Variants in NIPA1 observed in about 807,000 individuals in gnomAD.
NIPA1 encodes magnesium transporter NIPA1.
NIPA1 carries 13 observed loss-of-function variants against 23.9 expected under a neutral mutation model. The observed-to-expected ratio is 0.54, with a 90% CI of 0.35 to 0.87. The LOEUF (loss-of-function observed/expected upper bound fraction) is 0.87, where lower values mean the gene tolerates loss of function less well. Among genes scored for constraint, NIPA1 ranks in the 40% least tolerant of loss-of-function variants. The probability of loss-of-function intolerance (pLI) is 0.01; values close to 1 mark genes in which losing one functional copy is unlikely to be tolerated. For missense variants in NIPA1, 362 were observed against 429.7 expected, an observed-to-expected ratio of 0.84 and a Z score of 1.39; for synonymous variants, 234 against 202.9, an observed-to-expected ratio of 1.15 and a Z score of -1.30.
At chr15:22,794,541 C>T (rs79106218) in intron 1 of NIPA1, among the ~76,000 whole-genome samples, 6,114 of 152,046 alleles carry the variant, frequency 0.04, 422 homozygotes, top group African/African-American at 0.14. Context: ...ACATGCTTTT[C>T]GGATTTTGTA....
At chr15:22,791,896 T>A (rs1458417708) in intron 1 of NIPA1, among the ~76,000 whole-genome samples, 1 of 150,866 alleles carries the variant, frequency 6.6e-6, no homozygotes, top group Admixed American at 6.6e-5. Flanking sequence ...TGCTTTTGGA[T>A]GACATAGTCC....
At chr15:22,791,392 T>C (rs1894822304) in intron 1 of NIPA1, among the ~76,000 whole-genome samples, 1 of 151,908 alleles carries the variant, frequency 6.6e-6, no homozygotes, top group African/African-American at 2.4e-5. Context: ...GATTTGAGAT[T>C]CTAGATAGTC....
intron 3 of NIPA1, among the ~76,000 whole-genome samples, chr15:22,817,521 G>A (rs1357557216): frequency 2.9e-5 from 4 of 135,758 alleles, no homozygotes; most frequent in East Asian, 4.3e-4. Context: ...AAAAAATTAC[G>A]GCTGGGCACA....
chr15:22,795,711 C>T (rs1016045425), intron 1 of NIPA1, among the ~76,000 whole-genome samples: 12 of 152,090 alleles, frequency 7.9e-5, no homozygotes, highest in East Asian at 1.9e-4. Flanking sequence ...TTGGCTTGCT[C>T]GGGCTGCTCA....
At chr15:22,811,496 T>C (rs1442518147) in intron 2 of NIPA1, among the ~76,000 whole-genome samples, 2 of 151,956 alleles carry the variant, frequency 1.3e-5, no homozygotes, top group Non-Finnish European at 2.9e-5. Context: ...TCAAAGCTAT[T>C]TGGAGGCTGA....
Position 22,808,679 on chromosome 15 carries a change from C to CTTTTTTTTTTTTTTTTTT in NIPA1, c.179-2062_179-2061insTTTTTTTTTTTTTTTTTT, listed in dbSNP as rs59983551. 7.8e-5 allele frequency among the ~76,000 whole-genome samples: 10 copies of CTTTTTTTTTTTTTTTTTT among 128,336 alleles called. 1 individual carries two copies. Among genetic ancestry groups the CTTTTTTTTTTTTTTTTTT allele is most frequent in the Admixed American group, 1.7e-4 (2 of 11,642 alleles). The allele number at this position is 128,336 out of a possible 152,430, so 84.2% of individuals were successfully genotyped here. On this transcript the variant is annotated intron_variant, in intron 1 of 4. Coordinates refer to ENST00000337435, the MANE Select transcript of NIPA1 (RefSeq NM_144599.5). ...TGTGATGTGATCAAATAGCAATATT[C>CTTTTTTTTTTTTTTTTTT]TTTTTTTTGAGACAGTGTCTCACTC...
rs1224735095 is a variant in NIPA1 at position 22,827,929 on chromosome 15, G to A, written c.*3690G>A. 1 of 152,226 alleles carries A rather than the reference G, an allele frequency of 6.6e-6. No individual in the cohort carries two copies. The highest frequency in any genetic ancestry group is 1.9e-4 in the East Asian group (1 of 5,196). The allele number at this position is 152,226 out of a possible 1,614,324, so 9.4% of individuals were successfully genotyped here. A position where few individuals can be genotyped will look rare whatever the true frequency, so the allele number is the denominator to read the frequency against. On this transcript the variant is annotated 3_prime_UTR_variant, in exon 5 of 5. Coordinates refer to ENST00000337435, the MANE Select transcript of NIPA1 (RefSeq NM_144599.5). The stretch of plus-strand genomic sequence containing the variant: ...CAAGCTGCTCAGCTAACCCAGAAGA[G>A]GGGAGAGAGTACTCCGGTGGTTCCC...
chr15:22,791,059 T>C (rs1894814525), intron 1 of NIPA1, among the ~76,000 whole-genome samples: 1 of 152,186 alleles, frequency 6.6e-6, no homozygotes, highest in South Asian at 2.1e-4. Flanking sequence ...AAGTCTGGGC[T>C]TTTAATGTAA....
chr15:22,792,580 G>A lies in NIPA1; in HGVS notation c.178+5746G>A, dbSNP rs536268348. 4.6e-5 allele frequency among the ~76,000 whole-genome samples: 7 copies of A among 152,104 alleles called. No homozygotes were observed. The Middle Eastern group carries it at 0.017, about 370-fold the overall frequency. On this transcript the variant is annotated intron_variant, in intron 1 of 4. Coordinates refer to ENST00000337435, the MANE Select transcript of NIPA1 (RefSeq NM_144599.5). ...TCACCATGTTAGCCAGAATGGTCTC[G>A]ATCTCCTGACCTCGTGATCTGCCTT...
At chr15:22,819,325 G>A (rs2140874246) in intron 3 of NIPA1, 1 of 152,220 alleles carries the variant, frequency 6.6e-6, no homozygotes, top group East Asian at 1.9e-4. Context: ...CCTGAGCCTG[G>A]TATGCCCTCC....
chr15:22,810,697 T>C (rs753366656), intron 1 of NIPA1, 52 bp from the exon 2 acceptor site: 19 of 1,060,632 alleles, frequency 1.8e-5, no homozygotes, highest in Middle Eastern at 4.0e-4. Flanking sequence ...CTTCCTGATA[T>C]ACGTAGCTGG....
At chr15:22,807,781 C>CG (rs1370199187) in intron 1 of NIPA1, among the ~76,000 whole-genome samples, 89 of 88,432 alleles carry the variant, frequency 1.0e-3, no homozygotes, top group African/African-American at 7.4e-3. Flanking sequence ...TTTAAATTCA[C>CG]TTGTGTGTGT....
intron 1 of NIPA1, among the ~76,000 whole-genome samples, chr15:22,788,264 G>C (rs949349438): frequency 2.6e-5 from 4 of 152,020 alleles, no homozygotes; most frequent in African/African-American, 9.7e-5. Context: ...CACTTTGGGA[G>C]GCCGAGGCGG....
intron 3 of NIPA1, among the ~76,000 whole-genome samples, chr15:22,812,940 C>G (rs958575128): frequency 6.6e-6 from 1 of 152,104 alleles, no homozygotes; most frequent in African/African-American, 2.4e-5. Context: ...GCTTAGCATT[C>G]CTTGCTGGAT....
intron 3 of NIPA1, chr15:22,819,155 G>A (rs1895482614): frequency 6.6e-6 from 1 of 152,190 alleles, no homozygotes; most frequent in South Asian, 2.1e-4. Context: ...GATGTGAAGT[G>A]GTACAAGGGA....
intron 1 of NIPA1, among the ~76,000 whole-genome samples, chr15:22,791,996 A>G (rs62001111): frequency 0.25 from 38,284 of 152,074 alleles, 6,121 homozygotes; most frequent in Non-Finnish European, 0.36. Flanking sequence ...AGCGTGCTCT[A>G]CAGCATAGGC....
chr15:22,824,002 G>C lies in NIPA1; in HGVS notation c.753G>C (p.Ala251=), dbSNP rs199718530. The change falls in exon 5 of 5, where the codon GCG becomes GCC. Residue 251 remains alanine (A), a synonymous_variant. Transcript: ENST00000337435. This position sits in a 1 kb window ranked among gnomAD's most constrained non-coding sequence, Gnocchi z 4.1. ...TCCAGTTCAGGTACATCAACAAGGC[G>C]CTGGAGTGCTTCGACTCCTCGGTGT... ...IIVQFRYINK[A]LECFDSSVFG... The C allele has an allele frequency of 3.1e-5, 50 of 1,614,124 alleles. 1 individual carries two copies. In the African/African-American group the frequency reaches 4.1e-4, roughly 13 times the overall value.
In NIPA1 at chr15:22,808,824, C is replaced by G. The variant is rs973109367; in HGVS notation, c.179-1925C>G. 2.8e-4 allele frequency among the ~76,000 whole-genome samples: 43 copies of G among 151,962 alleles called. 1 individual carries two copies. The highest frequency in any genetic ancestry group is 2.1e-4 in the Non-Finnish European group (14 of 67,958). On this transcript the variant is annotated intron_variant, in intron 1 of 4. Transcript: ENST00000337435. Reference sequence around the variant, plus strand: ...AGCTGGGACCACAGGCATGCACCACCACACCCAGCTAATTTTTAAATTTTT... The same window carrying G: ...AGCTGGGACCACAGGCATGCACCACGACACCCAGCTAATTTTTAAATTTTT...
In NIPA1 at chr15:22,796,641, A is replaced by G. The variant is rs1366994739; in HGVS notation, c.178+9807A>G. ...TTAATTAAGCCCTTAATGAATACCAATTTCTTTTTTGTTTTAACCATGAGG... is the reference window on the plus strand; with the variant it reads ...TTAATTAAGCCCTTAATGAATACCAGTTTCTTTTTTGTTTTAACCATGAGG... On this transcript the variant is annotated intron_variant, in intron 1 of 4. Coordinates refer to ENST00000337435, the MANE Select transcript of NIPA1 (RefSeq NM_144599.5). Among the ~76,000 whole-genome samples, 4 of 152,074 alleles carry G rather than the reference A, an allele frequency of 2.6e-5. 1 individual carries two copies. The highest frequency in any genetic ancestry group is 1.3e-4 in the Admixed American group (2 of 15,242).
Sources: gnomAD v4.1 joint callset for allele counts (sites outside exome capture counted in the v4.1 genomes callset) on GRCh38, gnomAD v4.1.1 for gene constraint, Gnocchi (gnomAD v3.1) non-coding constraint, MANE v1.5 for transcripts, NCBI Gene and HGNC (gene_info 2026-07-23, HGNC 2026-07-21) for gene names.